TSPAN14: variants seen among roughly 807,000 people sequenced by gnomAD.
The protein encoded by TSPAN14 is tetraspanin 14.
TSPAN14 carries 16 observed loss-of-function variants against 36.6 expected under a neutral mutation model. The observed-to-expected ratio is 0.44, with a 90% CI of 0.30 to 0.66. TSPAN14 has a LOEUF of 0.66. Among genes scored for constraint, TSPAN14 ranks in the 30% least tolerant of loss-of-function variants. The probability of loss-of-function intolerance (pLI) is 0.12; values close to 1 mark genes in which losing one functional copy is unlikely to be tolerated. For synonymous variants in TSPAN14, 139 were observed against 143.8 expected, an observed-to-expected ratio of 0.97 and a Z score of 0.24; for missense variants, 231 against 355.1, an observed-to-expected ratio of 0.65 and a Z score of 2.81.
chr10:80,503,970 A>G (rs1007486455), intron 2 of TSPAN14, among the ~76,000 whole-genome samples: 5 of 152,034 alleles, frequency 3.3e-5, no homozygotes, highest in African/African-American at 1.2e-4. Context: ...TGTGTGATGT[A>G]TTTGGGTGGG....
chr10:80,500,994 TC>T (rs1344455212), intron 2 of TSPAN14, among the ~76,000 whole-genome samples: 2 of 152,226 alleles, frequency 1.3e-5, no homozygotes, highest in Non-Finnish European at 2.9e-5. Flanking sequence ...AGTCACCTCT[TC>T]CTATTGTATC....
chr10:80,514,018 G>A lies in TSPAN14; in HGVS notation c.577-1G>A. 2.5e-6 allele frequency: 4 copies of A among 1,613,658 alleles called. No individual in the cohort carries two copies. The highest frequency in any genetic ancestry group is 3.4e-6 in the Non-Finnish European group (4 of 1,179,778). On this transcript the variant is annotated splice_acceptor_variant, in intron 6 of 8. Transcript: ENST00000429989. LOFTEE classifies it high-confidence loss of function. ...AACTAATTTTTCTGCTTTTCTTGCA[G>A]CAAAAAGTTGTGAACACACAGTGTG...
intron 1 of TSPAN14, chr10:80,485,596 C>T (rs1314404372): frequency 2.0e-6 from 2 of 983,714 alleles, no homozygotes; most frequent in Non-Finnish European, 2.4e-6. Context: ...TCCCATTTAC[C>T]TTCTTCAGCT....
At chr10:80,458,043 C>T (rs774994212) in intron 1 of TSPAN14, among the ~76,000 whole-genome samples, 1 of 152,194 alleles carries the variant, frequency 6.6e-6, no homozygotes, top group Non-Finnish European at 1.5e-5. Flanking sequence ...TTCCTGCTGC[C>T]TGTCTCTGCC....
At chr10:80,480,240 C>G (rs1847178460) in intron 1 of TSPAN14, among the ~76,000 whole-genome samples, 1 of 151,114 alleles carries the variant, frequency 6.6e-6, no homozygotes, top group African/African-American at 2.4e-5. Context: ...CATCTGCAAA[C>G]AGGGACAATT....
At chr10:80,508,418 G>C (rs994733792) in intron 4 of TSPAN14, among the ~76,000 whole-genome samples, 4 of 152,046 alleles carry the variant, frequency 2.6e-5, no homozygotes, top group Non-Finnish European at 4.4e-5. Context: ...GCGCCCGGCC[G>C]TGTGTATGCT....
chr10:80,512,351 A>C lies in TSPAN14; in HGVS notation c.576+82A>C, dbSNP rs1032926263. ...TTCCTGACTCCTCCAGTGCTCTAGG[A>C]TACTTCTCTGTCATGGAGGTCTGAG... On this transcript the variant is annotated intron_variant, in intron 6 of 8. Coordinates refer to ENST00000429989, the Ensembl canonical transcript of TSPAN14. 8.3e-6 allele frequency: 13 copies of C among 1,558,638 alleles called. No individual in the cohort carries two copies. The African/African-American group carries it at 1.5e-4, about 18-fold the overall frequency.
At chr10:80,501,057 C>A (rs1304735669) in intron 2 of TSPAN14, among the ~76,000 whole-genome samples, 1 of 151,908 alleles carries the variant, frequency 6.6e-6, no homozygotes, top group South Asian at 2.1e-4. Flanking sequence ...AAAACAGCAC[C>A]TCAGCGTGAA....
chr10:80,485,273 C>A (rs1371400716), intron 1 of TSPAN14, among the ~76,000 whole-genome samples: 2 of 152,004 alleles, frequency 1.3e-5, no homozygotes, highest in Non-Finnish European at 2.9e-5. Context: ...TAACTTCTGC[C>A]TTCCTTCAGT....
intron 1 of TSPAN14, chr10:80,485,826 T>A (rs973025532): frequency 2.4e-5 from 10 of 408,954 alleles, no homozygotes; most frequent in African/African-American, 2.2e-4. Flanking sequence ...TTCTGTGGGT[T>A]GAGGATGGGG....
chr10:80,493,455 A>G (rs982276847), intron 2 of TSPAN14, among the ~76,000 whole-genome samples: 7 of 152,374 alleles, frequency 4.6e-5, no homozygotes, highest in African/African-American at 1.2e-4. Context: ...TTGTACACCT[A>G]TGTGCACATT....
At chr10:80,514,188 C>T in intron 7 of TSPAN14, 125 bp downstream of exon 7, 1 of 852,592 alleles carries the variant, frequency 1.2e-6, no homozygotes, top group Non-Finnish European at 1.9e-6. Context: ...CTCTTGATGC[C>T]ACCTAAGCTG....
At chr10:80,457,425 G>A (rs1845784333) in intron 1 of TSPAN14, among the ~76,000 whole-genome samples, 2 of 152,150 alleles carry the variant, frequency 1.3e-5, no homozygotes, top group South Asian at 4.1e-4. Context: ...CTGACCTCAA[G>A]TGATCCGCCC....
exon 9 of TSPAN14, chr10:80,520,949 C>G (rs991526521): frequency 1.8e-5 from 8 of 439,298 alleles, no homozygotes; most frequent in African/African-American, 4.1e-5. Context: ...TCACCAGCCT[C>G]CGGGGAATCC....
At chr10:80,464,666 G>A (rs1846147259) in intron 1 of TSPAN14, among the ~76,000 whole-genome samples, 1 of 152,208 alleles carries the variant, frequency 6.6e-6, no homozygotes, top group Non-Finnish European at 1.5e-5. Context: ...TGCAGTCCCC[G>A]TGAGAAGGCC....
intron 1 of TSPAN14, among the ~76,000 whole-genome samples, chr10:80,472,910 G>T (rs1846637308): frequency 6.6e-6 from 1 of 152,122 alleles, no homozygotes; most frequent in Non-Finnish European, 1.5e-5. Flanking sequence ...CAGTTCTGTT[G>T]AACTAGTTGC....
exon 9 of TSPAN14, chr10:80,521,299 T>C (rs1841253354): frequency 1.2e-5 from 2 of 161,762 alleles, no homozygotes; most frequent in Non-Finnish European, 1.4e-5. Flanking sequence ...TCCCAGCACC[T>C]GAGGCATCCT....
chr10:80,488,726 A>G (rs1393291882), intron 1 of TSPAN14, among the ~76,000 whole-genome samples: 1 of 151,920 alleles, frequency 6.6e-6, no homozygotes, highest in East Asian at 1.9e-4. Context: ...TCTCCCAAAC[A>G]TGGCTCTTTG....
At chr10:80,517,838 C>G in intron 8 of TSPAN14, 67 bp from the exon 9 acceptor site, 1 of 1,491,976 alleles carries the variant, frequency 6.7e-7, no homozygotes, top group South Asian at 1.2e-5. Flanking sequence ...CAACCCCACC[C>G]TCCGCTCCCT....
Sources: allele counts gnomAD v4.1 joint callset (sites outside exome capture counted in the v4.1 genomes callset), GRCh38; gene constraint gnomAD v4.1.1; transcripts MANE v1.5; gene names NCBI Gene and HGNC (gene_info 2026-07-23, HGNC 2026-07-21).